Variants in ANPEP observed in about 807,000 individuals in gnomAD.
The protein encoded by ANPEP is alanyl aminopeptidase, membrane.
ANPEP carries 70 observed loss-of-function variants against 114.6 expected under a neutral mutation model. The observed-to-expected ratio is 0.61, with a 90% confidence interval of 0.50 to 0.75. ANPEP has a LOEUF of 0.75. Ranked by LOEUF, ANPEP falls within the 30% of genes least tolerant of loss-of-function variation. The pLI, the probability that ANPEP is intolerant of heterozygous loss-of-function variation, is 0.00. For synonymous variants in ANPEP, 548 were observed against 522.3 expected (o/e 1.05, Z -0.67); for missense variants, 1,184 against 1,259.5 (o/e 0.94, Z 0.91).
chr15:89,790,515 G>A lies in ANPEP; in HGVS notation c.2696C>T (p.Ser899Phe). Reference protein sequence around the residue: ...NDYGGGSFSFSNLIQAVTRRF... With the variant: ...NDYGGGSFSFFNLIQAVTRRF... ...TCGTGTCACTGCCTGGATGAGGTTG[G>A]AGAAGGAGAACGAGCCACCACCATA... Residue 899 changes from serine (S) to phenylalanine (F), a missense_variant, in exon 20 of 21, where the codon TCC becomes TTC. Physicochemically the swap from Ser to Phe is radical, Grantham distance 155 (BLOSUM62 -2). Transcript: ENST00000300060. 2 of 1,614,080 alleles carry A rather than the reference G, an allele frequency of 1.2e-6. No homozygotes were observed. The highest frequency in any genetic ancestry group is 1.7e-6 in the Non-Finnish European group (2 of 1,179,980).
intron 16 of ANPEP, 105 bp from the exon 17 acceptor site, chr15:89,792,667 C>T (rs956275892): frequency 2.0e-6 from 2 of 1,002,862 alleles, no homozygotes; most frequent in Non-Finnish European, 1.5e-6. Flanking sequence ...GCTCTGTGGC[C>T]TAACTGGCCC....
chr15:89,792,310 C>T lies in ANPEP; in HGVS notation c.2378G>A (p.Arg793Gln), dbSNP rs759517288. ...PNNNPIHPNL[R>Q]STVYCNAIAQ... ...GATAGCGTTGCAGTAGACGGTGGAC[C>T]GCAGGTTGGGGTGGATCCTGGTGTG... Residue 793 changes from arginine to glutamine, a missense_variant, in exon 18 of 21, where the codon CGG (arginine) becomes CAG (glutamine). Physicochemically the swap from Arg to Gln is conservative, Grantham distance 43. Transcript: ENST00000300060. 34 of 1,614,006 alleles carry T rather than the reference C, an allele frequency of 2.1e-5. 1 individual carries two copies. Among genetic ancestry groups the T allele is most frequent in the Middle Eastern group, 1.6e-4 (1 of 6,084 alleles).
Position 89,804,255 on chromosome 15 carries a change from G to C in ANPEP, c.1177C>G (p.Gln393Glu). Residue 393 changes from glutamine (Q) to glutamate (E), a missense_variant and splice_region_variant, in exon 6 of 21, where the codon CAG (glutamine) becomes GAG (glutamate). By Grantham distance (29) the Gln-to-Glu change is conservative. Transcript: ENST00000300060. Reference protein sequence around the residue: ...VTVIAHELAHQWFGNLVTIEW... With the variant: ...VTVIAHELAHEWFGNLVTIEW... ...CACTCCCCGAGATGGGGGTCTACCT[G>C]GTGGGCCAGCTCATGAGCAATCACA... 3 of 1,614,182 alleles carry C rather than the reference G, an allele frequency of 1.9e-6. No homozygotes were observed. Among genetic ancestry groups the C allele is most frequent in the Non-Finnish European group, 2.5e-6 (3 of 1,180,042 alleles).
In ANPEP at chr15:89,788,508, A is replaced by G. The variant is rs866747725; in HGVS notation, c.2751+1952T>C. ...ATAAGGAGTGACTGCTAATGAGTAC[A>G]AGGTTTTTTTTTGGCGTAATAAAAA... On this transcript the variant is annotated intron_variant, in intron 20 of 20. Transcript: ENST00000300060. Among the ~76,000 whole-genome samples, 13 of 152,328 alleles carry G rather than the reference A, an allele frequency of 8.5e-5. No homozygotes were observed. The South Asian group carries it at 1.2e-3, about 15-fold the overall frequency.
At chr15:89,804,828 A>G in intron 4 of ANPEP, 6 of 817,398 alleles carry the variant, frequency 7.3e-6, no homozygotes, top group South Asian at 1.8e-5. Flanking sequence ...GAGAATAACA[A>G]TCATCATAGC....
At position 89,804,421 on chromosome 15, in the gene ANPEP, G is replaced by A. The variant is rs753954314; in HGVS notation, c.1025-14C>T. 3.0e-5 allele frequency: 49 copies of A among 1,614,152 alleles called. No homozygotes were observed. In the Middle Eastern group the frequency reaches 9.9e-4, roughly 33 times the overall value. Reference sequence around the variant, plus strand: ...GGCCAATCTGGTCTGGGGAGGCGATGCCATTGGCAGGATGAACTCCGGGAG... The same window carrying A: ...GGCCAATCTGGTCTGGGGAGGCGATACCATTGGCAGGATGAACTCCGGGAG... On this transcript the variant is annotated splice_polypyrimidine_tract_variant and intron_variant, in intron 5 of 20. Coordinates refer to ENST00000300060, the MANE Select transcript of ANPEP (RefSeq NM_001150.3).
Position 89,803,804 on chromosome 15 carries a change from A to G in ANPEP, c.1294-14T>C. The G allele has an allele frequency of 6.2e-7, 1 of 1,609,104 alleles. No individual in the cohort carries two copies. The highest frequency in any genetic ancestry group is 8.5e-7 in the Non-Finnish European group (1 of 1,176,224). On this transcript the variant is annotated splice_polypyrimidine_tract_variant and intron_variant, in intron 7 of 20. Coordinates refer to ENST00000300060, the MANE Select transcript of ANPEP (RefSeq NM_001150.3). The surrounding 1 kb of genome is among the most constrained non-coding windows in gnomAD (Gnocchi z 4.2). The stretch of plus-strand genomic sequence containing the variant: ...CATGAGGTCTTTCTGCAAATTCCCC[A>G]GGGCCATCAGGAGACTGGCCTGGTA...
At position 89,785,466 on chromosome 15, in the gene ANPEP, G is replaced by A. The variant is rs750057373; in HGVS notation, c.2787C>T (p.Gly929=). ...EQFKKDNEET[G]FGSGTRALEQ... The stretch of plus-strand genomic sequence containing the variant: ...CCAGGGCCCGGGTGCCTGAGCCGAA[G>A]CCTGTTTCCTCGTTGTCCTTCTTGA... Residue 929 remains glycine, a synonymous_variant, in exon 21 of 21, where the codon GGC becomes GGT. Coordinates refer to ENST00000300060, the MANE Select transcript of ANPEP (RefSeq NM_001150.3). 3.7e-6 allele frequency: 6 copies of A among 1,614,080 alleles called. No individual in the cohort carries two copies. The highest frequency in any genetic ancestry group is 1.3e-5 in the African/African-American group (1 of 75,046).
chr15:89,802,052 G>A (rs948495464), intron 10 of ANPEP, among the ~76,000 whole-genome samples: 1 of 152,150 alleles, frequency 6.6e-6, no homozygotes, highest in South Asian at 2.1e-4. Context: ...GGACTCAGGG[G>A]CACTGTTGTT....
intron 1 of ANPEP, among the ~76,000 whole-genome samples, chr15:89,807,596 G>T (rs1170850501): frequency 6.6e-6 from 1 of 152,128 alleles, no homozygotes; most frequent in Non-Finnish European, 1.5e-5. Context: ...CAGCTACTTG[G>T]GAGGCTGAGG....
intron 20 of ANPEP, among the ~76,000 whole-genome samples, chr15:89,789,789 A>AAAAAAAAG (rs1968581800): frequency 6.7e-6 from 1 of 148,284 alleles, no homozygotes. Context: ...AAAAAAAAAA[A>AAAAAAAAG]GCTGGACGCC....
intron 1 of ANPEP, among the ~76,000 whole-genome samples, chr15:89,808,325 A>G (rs1894760114): frequency 1.3e-5 from 2 of 152,150 alleles, no homozygotes; most frequent in South Asian, 4.1e-4. Flanking sequence ...AGCTCCTATG[A>G]GCTCCATTAG....
intron 1 of ANPEP, among the ~76,000 whole-genome samples, chr15:89,810,569 G>T: frequency 6.7e-6 from 1 of 150,238 alleles, no homozygotes. Context: ...ACGAGACTCT[G>T]TTTCAAAAAA....
intron 14 of ANPEP, among the ~76,000 whole-genome samples, chr15:89,798,939 A>AAAACAAACAAAC (rs35792576): frequency 1.5e-4 from 22 of 150,636 alleles, no homozygotes; most frequent in African/African-American, 4.4e-4. Flanking sequence ...ACTCCGTCTC[A>AAAACAAACAAAC]AAACAAACAA....
intron 16 of ANPEP, 26 bp from the exon 17 acceptor site, chr15:89,792,588 G>A (rs989323363): frequency 1.9e-6 from 3 of 1,593,694 alleles, no homozygotes; most frequent in Non-Finnish European, 2.6e-6. Context: ...CACGCGGTTA[G>A]CACACCTGGC....
At chr15:89,787,195 G>A (rs560531278) in intron 20 of ANPEP, among the ~76,000 whole-genome samples, 27 of 151,966 alleles carry the variant, frequency 1.8e-4, no homozygotes, top group Admixed American at 1.2e-3. Flanking sequence ...ACAGGCGCCC[G>A]CCACTGCATC....
intron 1 of ANPEP, among the ~76,000 whole-genome samples, chr15:89,810,936 T>C (rs938977067): frequency 1.3e-5 from 2 of 152,268 alleles, no homozygotes; most frequent in African/African-American, 4.8e-5. Flanking sequence ...GAAAGCTTCC[T>C]GCCTTTGCTT....
intron 16 of ANPEP, 118 bp downstream of exon 16, chr15:89,792,917 G>A (rs1968660344): frequency 1.1e-6 from 1 of 899,284 alleles, no homozygotes; most frequent in East Asian, 2.4e-5. Context: ...CCTGGGTGGG[G>A]GTCTCTCCCT....
rs1039279915 is a variant in ANPEP at position 89,799,683 on chromosome 15, G to A, written c.1820-124C>T. The A allele has an allele frequency of 7.9e-6, 11 of 1,397,634 alleles. No homozygotes were observed. The highest frequency in any genetic ancestry group is 2.6e-5 in the South Asian group (2 of 77,538). 86.6% of individuals were successfully genotyped at this position (1,397,634 alleles called of 1,614,324 possible). On this transcript the variant is annotated intron_variant, in intron 12 of 20. Transcript: ENST00000300060. The surrounding 1 kb of genome is among the most constrained non-coding windows in gnomAD (Gnocchi z 4.2). ...CTCACCCTCAAGCTGCTGGGGAGAC[G>A]CTAAGGGTGGGGAAGGAAGGGATGA...
Sources: allele counts gnomAD v4.1 joint callset (sites outside exome capture counted in the v4.1 genomes callset), GRCh38; gene constraint gnomAD v4.1.1; non-coding constraint Gnocchi (gnomAD v3.1); transcripts MANE v1.5; gene names NCBI Gene and HGNC (gene_info 2026-07-23, HGNC 2026-07-21).